Variants in ICAM5 observed in about 807,000 individuals in gnomAD.
The protein encoded by ICAM5 is ICAM-5.
A neutral mutation model predicts 78.8 loss-of-function variants in ICAM5; 38 were observed. The ratio of observed to expected loss-of-function variants is 0.48; its 90% CI spans 0.37 to 0.63. The LOEUF is 0.63. Ranked by LOEUF, ICAM5 falls within the 30% of genes least tolerant of loss-of-function variation. The pLI, the probability that ICAM5 is intolerant of heterozygous loss-of-function variation, is 0.00. For missense variants in ICAM5, 1,059 were observed against 1,303.0 expected (o/e 0.81, Z 2.88); for synonymous variants, 544 against 590.9 (o/e 0.92, Z 1.15).
In ICAM5 at chr19:10,293,253, G is replaced by T. The variant is rs368208108; in HGVS notation, c.1465+7G>T. On this transcript the variant is annotated splice_region_variant and intron_variant, in intron 6 of 10. Transcript: ENST00000221980. The surrounding 1 kb of genome is among the most constrained non-coding windows in gnomAD (Gnocchi z 5.0). ...GTAACGCTAACGGTGGAGTGTGAGT[G>T]GGGGTGCGCAGGGTGCATTTCTATC... 3.4e-5 allele frequency: 54 copies of T among 1,569,342 alleles called. No individual in the cohort carries two copies. The African/African-American group carries it at 6.2e-4, about 18-fold the overall frequency.
chr19:10,291,670 C>T lies in ICAM5; in HGVS notation c.534C>T (p.Gly178=), dbSNP rs1277611883. The T allele has an allele frequency of 1.9e-6, 3 of 1,612,402 alleles. No homozygotes were observed. Among genetic ancestry groups the T allele is most frequent in the South Asian group, 1.1e-5 (1 of 91,072 alleles). Residue 178 remains glycine (G), a synonymous_variant, in exon 3 of 11, where the codon GGC becomes GGT. Transcript: ENST00000221980. ...SFAGEPPRAR[G]AVLTATVLAR... ...CCGGTGAACCACCCCGAGCGCGGGG[C>T]GCGGTGCTCACAGCCACGGTACTGG...
In ICAM5 at chr19:10,291,066, G is replaced by C. The variant is rs1320922382; in HGVS notation, c.83-6G>C. ...CCCCAGGCTCAGCCCGCGTTTCCCT[G>C]GGCAGCGGTCTCGCAGGAGCCCTTC... On this transcript the variant is annotated splice_region_variant and splice_polypyrimidine_tract_variant and intron_variant, in intron 1 of 10. Transcript: ENST00000221980. The C allele has an allele frequency of 1.9e-6, 3 of 1,603,030 alleles. No homozygotes were observed. The highest frequency in any genetic ancestry group is 3.4e-5 in the Admixed American group (2 of 59,290).
rs377423531 is a variant in ICAM5, at chr19:10,292,881, A to G, written c.1216+15A>G. 1.2e-6 allele frequency: 2 copies of G among 1,607,672 alleles called. No homozygotes were observed. Among genetic ancestry groups the G allele is most frequent in the South Asian group, 1.1e-5 (1 of 90,860 alleles). ...TCGTGTCCTATGTGAGTTGGTGATA[A>G]CCCCTCGCCCCCCACCTTCTGGTGA... On this transcript the variant is annotated intron_variant, in intron 5 of 10. Coordinates refer to ENST00000221980, the MANE Select transcript of ICAM5 (RefSeq NM_003259.4).
At chr19:10,292,895 A>G in intron 5 of ICAM5, 29 bp downstream of exon 5, 1 of 1,605,524 alleles carries the variant, frequency 6.2e-7, no homozygotes. Flanking sequence ...CTCGCCCCCC[A>G]CCTTCTGGTG....
At position 10,290,936 on chromosome 19, in the gene ICAM5, C is replaced by T. The variant is rs1013239814; in HGVS notation, c.83-136C>T. The T allele has an allele frequency of 1.7e-6, 2 of 1,185,034 alleles. No individual in the cohort carries two copies. The allele number at this position is 1,185,034 out of a possible 1,614,324, so 73.4% of individuals were successfully genotyped here. ...TTAAACCGGAGGCCTGGGCAGGACG[C>T]GGGACGCCTGGGTTCTTTCCCTGGC... On this transcript the variant is annotated intron_variant, in intron 1 of 10. Coordinates refer to ENST00000221980, the MANE Select transcript of ICAM5 (RefSeq NM_003259.4). This position sits in a 1 kb window ranked among gnomAD's most constrained non-coding sequence, Gnocchi z 5.7.
At chr19:10,295,095 C>T (rs191097888) in intron 9 of ICAM5, among the ~76,000 whole-genome samples, 2 of 152,314 alleles carry the variant, frequency 1.3e-5, no homozygotes, top group African/African-American at 4.8e-5. Flanking sequence ...AATAGGAGCA[C>T]GGCCCTCCTC....
In ICAM5 at chr19:10,295,441, C is replaced by A. The variant is rs1375007740; in HGVS notation, c.2326C>A (p.Pro776Thr). 1 of 1,608,894 alleles carries A rather than the reference C, an allele frequency of 6.2e-7. No homozygotes were observed. The highest frequency in any genetic ancestry group is 1.3e-5 in the African/African-American group (1 of 74,978). ...TLTCRAEAWP[P>T]AQISWRAPPG... is the part of the protein sequence containing the mutation. ...GACCTGCCGCGCGGAGGCCTGGCCT[C>A]CAGCCCAGATCAGCTGGCGCGCGCC... is the stretch of plus-strand genomic sequence containing the variant. The change falls in exon 10 of 11, where the codon CCA becomes ACA. Residue 776 changes from proline to threonine, a missense_variant. Transcript: ENST00000221980.
intron 4 of ICAM5, 105 bp from the exon 5 acceptor site, chr19:10,292,505 ACC>A: frequency 6.9e-7 from 1 of 1,443,674 alleles, no homozygotes; most frequent in Non-Finnish European, 9.3e-7. Flanking sequence ...GGGGCGCCGT[ACC>A]CTAGTTCGTT....
In ICAM5 at chr19:10,296,324, G is replaced by C; in HGVS notation, c.2498-15G>C. On this transcript the variant is annotated splice_polypyrimidine_tract_variant and intron_variant, in intron 10 of 10. Transcript: ENST00000221980. ...CGGAGCTTGGCCACCCTCCGCGAGG[G>C]TCTCCACCCCGCAGGTCCGTGGCTA... 1 of 1,231,996 alleles carries C rather than the reference G, an allele frequency of 8.1e-7. No homozygotes were observed. The highest frequency in any genetic ancestry group is 3.9e-5 in the South Asian group (1 of 25,798). The allele number at this position is 1,231,996 out of a possible 1,614,324, so 76.3% of individuals were successfully genotyped here.
Position 10,294,003 on chromosome 19 carries a change from T to G in ICAM5, c.1712-37T>G. On this transcript the variant is annotated intron_variant, in intron 7 of 10. Coordinates refer to ENST00000221980, the MANE Select transcript of ICAM5 (RefSeq NM_003259.4). This position sits in a 1 kb window ranked among gnomAD's most constrained non-coding sequence, Gnocchi z 7.7. The stretch of plus-strand genomic sequence containing the variant: ...GTGGGACAACCCCGGCTGGACTTCC[T>G]GGCCCCCGTGTGAGCCCCTGCAATC... The G allele has an allele frequency of 6.3e-7, 1 of 1,592,180 alleles. No individual in the cohort carries two copies. The highest frequency in any genetic ancestry group is 8.6e-7 in the Non-Finnish European group (1 of 1,166,360).
rs756698057 is a variant in ICAM5, at chr19:10,294,214, C to G, written c.1886C>G (p.Pro629Arg). The part of the protein sequence containing the change: ...LLPLAPPDPS[P>R]RAPRIPRVLA... Reference sequence around the variant, plus strand: ...CCGCTGGCACCCCCAGACCCTAGTCCCAGAGCTCCCAGAATCCCTAGAGTC... The same window carrying G: ...CCGCTGGCACCCCCAGACCCTAGTCGCAGAGCTCCCAGAATCCCTAGAGTC... Residue 629 changes from proline to arginine, a missense_variant, in exon 8 of 11, where the codon CCC (proline) becomes CGC (arginine). Around this residue, in one of 3 missense-constraint regions of ICAM5, gnomAD observed 815 missense variants for 952.8 expected, o/e 0.86. Coordinates refer to ENST00000221980, the MANE Select transcript of ICAM5 (RefSeq NM_003259.4). This position sits in a 1 kb window ranked among gnomAD's most constrained non-coding sequence, Gnocchi z 7.7. 6.2e-7 allele frequency: 1 copy of G among 1,614,036 alleles called. No homozygotes were observed. The highest frequency in any genetic ancestry group is 1.1e-5 in the South Asian group (1 of 91,088).
intron 10 of ICAM5, among the ~76,000 whole-genome samples, chr19:10,295,971 AG>A (rs2040217217): frequency 6.6e-6 from 1 of 151,738 alleles, no homozygotes; most frequent in South Asian, 2.1e-4. Flanking sequence ...GGAGGGAGAG[AG>A]GGGTCAAGAT....
chr19:10,293,333 G>A lies in ICAM5; in HGVS notation c.1465+87G>A. 1 of 1,482,194 alleles carries A rather than the reference G, an allele frequency of 6.7e-7. No individual in the cohort carries two copies. Among genetic ancestry groups the A allele is most frequent in the Non-Finnish European group, 9.0e-7 (1 of 1,105,270 alleles). 91.8% of individuals were successfully genotyped at this position (1,482,194 alleles called of 1,614,324 possible). On this transcript the variant is annotated intron_variant, in intron 6 of 10. Coordinates refer to ENST00000221980, the MANE Select transcript of ICAM5 (RefSeq NM_003259.4). The surrounding 1 kb of genome is among the most constrained non-coding windows in gnomAD (Gnocchi z 5.0). The stretch of plus-strand genomic sequence containing the variant: ...CCAGGGAAGAGTAGGAGTAGGGTAT[G>A]AGGTGTCCCTTTGGGTGAGGTTTTG...
At chr19:10,291,926 T>G (rs752116580) in intron 3 of ICAM5, 109 bp from the exon 4 acceptor site, 14 of 1,485,162 alleles carry the variant, frequency 9.4e-6, no homozygotes, top group Non-Finnish European at 1.3e-5. Context: ...GCTGAGCTGT[T>G]TCCCCCTCCG....
chr19:10,291,479 C>A lies in ICAM5; in HGVS notation c.353-10C>A. ...GTGTTCAAAGAGCTGCGGACTCTTCCCCCTTGCAGAGCGACCAGATCGCGT... is the reference window on the plus strand; with the variant it reads ...GTGTTCAAAGAGCTGCGGACTCTTCACCCTTGCAGAGCGACCAGATCGCGT... On this transcript the variant is annotated splice_polypyrimidine_tract_variant and intron_variant, in intron 2 of 10. Coordinates refer to ENST00000221980, the MANE Select transcript of ICAM5 (RefSeq NM_003259.4). 1 of 1,612,028 alleles carries A rather than the reference C, an allele frequency of 6.2e-7. No individual in the cohort carries two copies. Among genetic ancestry groups the A allele is most frequent in the Non-Finnish European group, 8.5e-7 (1 of 1,179,712 alleles).
rs748201501 is a variant in ICAM5, at chr19:10,293,991, G to C, written c.1711+48G>C. The C allele has an allele frequency of 1.3e-6, 2 of 1,597,046 alleles. No individual in the cohort carries two copies. The highest frequency in any genetic ancestry group is 2.7e-5 in the African/African-American group (2 of 74,642). ...TAGGCAGGATCTGTGGGACAACCCC[G>C]GCTGGACTTCCTGGCCCCCGTGTGA... On this transcript the variant is annotated intron_variant, in intron 7 of 10. Transcript: ENST00000221980. The surrounding 1 kb of genome is among the most constrained non-coding windows in gnomAD (Gnocchi z 5.0).
At chr19:10,292,349 G>T in intron 4 of ICAM5, 27 bp downstream of exon 4, 1 of 1,554,992 alleles carries the variant, frequency 6.4e-7, no homozygotes, top group Non-Finnish European at 8.7e-7. Flanking sequence ...GGTCTCCGCG[G>T]CTCCGAGGTG....
chr19:10,296,405 G>A lies in ICAM5; in HGVS notation c.2564G>A (p.Gly855Asp). The A allele has an allele frequency of 7.8e-7, 1 of 1,284,806 alleles. No individual in the cohort carries two copies. The highest frequency in any genetic ancestry group is 9.9e-7 in the Non-Finnish European group (1 of 1,007,322). The allele number at this position is 1,284,806 out of a possible 1,614,324, so 79.6% of individuals were successfully genotyped here. A position where few individuals can be genotyped will look rare whatever the true frequency, so the allele number is the denominator to read the frequency against. ...GGAALLAAGAGLAFYVQSTAC... is the reference protein window; with the variant it reads ...GGAALLAAGADLAFYVQSTAC... Reference sequence around the variant, plus strand: ...GCGGCGCTGCTGGCCGCGGGGGCCGGCCTGGCCTTCTACGTGCAGTCCACC... The same window carrying A: ...GCGGCGCTGCTGGCCGCGGGGGCCGACCTGGCCTTCTACGTGCAGTCCACC... The change falls in exon 11 of 11, where the codon GGC becomes GAC. Residue 855 changes from glycine to aspartate, a missense_variant. Physicochemically the swap from Gly to Asp is moderately conservative, Grantham distance 94. Around this residue, in one of 3 missense-constraint regions of ICAM5, gnomAD observed 109 missense variants for 120.0 expected, o/e 0.91. Transcript: ENST00000221980.
Position 10,291,740 on chromosome 19 carries a change from C to G in ICAM5, c.604C>G (p.Leu202Val). ...AGCCAATTTCTCGTGTCGCGCCGAG[C>G]TGGACCTGCGGCCGCACGGACTGGG... ...HGANFSCRAELDLRPHGLGLF... is the reference protein window; with the variant it reads ...HGANFSCRAEVDLRPHGLGLF... The change falls in exon 3 of 11, where the codon CTG becomes GTG. Residue 202 changes from leucine (L) to valine (V), a missense_variant. Physicochemically the swap from Leu to Val is conservative, Grantham distance 32. Transcript: ENST00000221980. The G allele has an allele frequency of 6.2e-7, 1 of 1,612,856 alleles. No individual in the cohort carries two copies. The highest frequency in any genetic ancestry group is 8.5e-7 in the Non-Finnish European group (1 of 1,179,998).
Sources: allele counts gnomAD v4.1 joint callset (sites outside exome capture counted in the v4.1 genomes callset), GRCh38; gene constraint gnomAD v4.1.1; regional missense constraint gnomAD v4.1.1; non-coding constraint Gnocchi (gnomAD v3.1); transcripts MANE v1.5; gene names NCBI Gene and HGNC (gene_info 2026-07-23, HGNC 2026-07-21).